OAS2: variants seen among roughly 807,000 people sequenced by gnomAD.
The protein encoded by OAS2 is 2'-5'-oligoadenylate synthetase 2, also known as 2'-5'-oligoadenylate synthase 2.
In OAS2, 67 loss-of-function variants were observed where a neutral mutation model predicts 71.3. That is an observed-to-expected ratio of 0.94 (90% CI 0.77 to 1.15). The LOEUF (loss-of-function observed/expected upper bound fraction) is 1.15, where lower values mean the gene tolerates loss of function less well. Ranked by LOEUF, OAS2 falls within the 50% of genes most tolerant of loss-of-function variation. The probability of loss-of-function intolerance (pLI) is 0.00; values close to 1 mark genes in which losing one functional copy is unlikely to be tolerated. For missense variants in OAS2, 789 were observed against 822.5 expected (o/e 0.96, Z 0.50); for synonymous variants, 327 against 321.8 (o/e 1.02, Z -0.17).
Position 112,998,336 on chromosome 12 carries a change from A to AAAAAAGAAG in OAS2, c.935_943dup (p.Glu314_Ala315insGluLysGlu). On this transcript the variant is annotated inframe_insertion, in exon 5 of 10. Coordinates refer to ENST00000392583, the MANE Select transcript of OAS2 (RefSeq NM_002535.3). Reference sequence around the variant, plus strand: ...AGATAAAATATGCTGGCAATGGCTGAAAAAAGAAGCTCAAACCTGGTTGAC... The same window carrying AAAAAAGAAG: ...AGATAAAATATGCTGGCAATGGCTGAAAAAAGAAGAAAAAGAAGCTCAAACCTGGTTGAC... The AAAAAAGAAG allele has an allele frequency of 6.2e-7, 1 of 1,608,620 alleles. No homozygotes were observed. The highest frequency in any genetic ancestry group is 1.1e-5 in the South Asian group (1 of 89,684).
Position 113,010,574 on chromosome 12 carries a change from C to A in OAS2, c.*1319C>A, listed in dbSNP as rs1169211922. 3.3e-6 allele frequency: 5 copies of A among 1,527,312 alleles called. No individual in the cohort carries two copies. In the African/African-American group the frequency reaches 6.9e-5, roughly 21 times the overall value. 94.6% of individuals were successfully genotyped at this position (1,527,312 alleles called of 1,614,324 possible). ...CTTCCCTTGATGGTCCCTATTCCTCCTTCCCTTGCTTCTTGGACTTCTTGA... is the reference window on the plus strand; with the variant it reads ...CTTCCCTTGATGGTCCCTATTCCTCATTCCCTTGCTTCTTGGACTTCTTGA... On this transcript the variant is annotated 3_prime_UTR_variant, in exon 10 of 10. Transcript: ENST00000392583.
intron 5 of OAS2, among the ~76,000 whole-genome samples, chr12:113,001,863 CAAAAA>C (rs71086131): frequency 0.059 from 1,277 of 21,804 alleles, 11 homozygotes; most frequent in Non-Finnish European, 0.084. Flanking sequence ...CCCATCTCTA[CAAAAA>C]AAAAAAAAAA....
intron 2 of OAS2, among the ~76,000 whole-genome samples, chr12:112,990,690 C>T (rs532144993): frequency 1.3e-5 from 2 of 152,112 alleles, no homozygotes; most frequent in African/African-American, 4.8e-5. Flanking sequence ...GGGTAAAATA[C>T]TTTTGATTTC....
intron 1 of OAS2, among the ~76,000 whole-genome samples, chr12:112,982,836 C>T (rs2044096555): frequency 6.6e-6 from 1 of 152,174 alleles, no homozygotes; most frequent in East Asian, 1.9e-4. Flanking sequence ...TTTTTTATTA[C>T]TGATTCAATC....
At chr12:113,000,869 C>T (rs114361363) in intron 5 of OAS2, among the ~76,000 whole-genome samples, 2,189 of 152,358 alleles carry the variant, frequency 0.014, 49 homozygotes, top group African/African-American at 0.049. Context: ...GGCCAACTTA[C>T]AACATCTGAG....
rs745896637 is a variant in OAS2, at chr12:113,009,223, C to T, written c.2032C>T (p.Pro678Ser). 6.2e-7 allele frequency: 1 copy of T among 1,614,082 alleles called. No homozygotes were observed. The highest frequency in any genetic ancestry group is 1.7e-5 in the Admixed American group (1 of 60,026). Residue 678 changes from proline to serine, a missense_variant, in exon 10 of 10, where the codon CCA becomes TCA. Transcript: ENST00000392583. ...CFKDGTGNPIPPWKVPVKVI is the reference protein window; with the variant it reads ...CFKDGTGNPISPWKVPVKVI The stretch of plus-strand genomic sequence containing the variant: ...CAAGGATGGGACTGGAAACCCAATA[C>T]CACCTTGGAAAGTGCCGGTAAAAGT...
rs894440047 is a variant in OAS2, at chr12:112,980,602, G to T, written c.177+1817G>T. 2.0e-5 allele frequency among the ~76,000 whole-genome samples: 3 copies of T among 152,160 alleles called. No homozygotes were observed. The South Asian group carries it at 6.2e-4, about 32-fold the overall frequency. Reference sequence around the variant, plus strand: ...TTTTGTGTCTGAATAGTATTCTATTGTGTATATATACTACATTGTCTTTAT... The same window carrying T: ...TTTTGTGTCTGAATAGTATTCTATTTTGTATATATACTACATTGTCTTTAT... On this transcript the variant is annotated intron_variant, in intron 1 of 9. Transcript: ENST00000392583.
chr12:112,993,463 G>T (rs961699863), intron 2 of OAS2, among the ~76,000 whole-genome samples: 1 of 152,214 alleles, frequency 6.6e-6, no homozygotes, highest in Non-Finnish European at 1.5e-5. Context: ...GGGGAAGATA[G>T]AATGCTCTTT....
chr12:112,988,504 C>A (rs2044161964), intron 2 of OAS2: 1 of 620,834 alleles, frequency 1.6e-6, no homozygotes, highest in Non-Finnish European at 2.0e-6. Context: ...CAGTGATTGG[C>A]ACAAGAGTAG....
intron 2 of OAS2, among the ~76,000 whole-genome samples, chr12:112,994,041 G>A (rs1218501304): frequency 6.6e-6 from 1 of 151,738 alleles, no homozygotes; most frequent in Non-Finnish European, 1.5e-5. Flanking sequence ...ACTTACATTT[G>A]TTTTATCTAA....
chr12:112,988,251 A>C (rs763445801), intron 2 of OAS2: 82 of 979,678 alleles, frequency 8.4e-5, no homozygotes, highest in Non-Finnish European at 9.8e-5. Flanking sequence ...TTCTTGGCCA[A>C]ATTGAATTTA....
intron 8 of OAS2, among the ~76,000 whole-genome samples, chr12:113,007,393 C>G (rs1261228039): frequency 6.6e-6 from 1 of 152,180 alleles, no homozygotes; most frequent in Non-Finnish European, 1.5e-5. Flanking sequence ...GTCATGCTGC[C>G]TGCATTGTGG....
intron 8 of OAS2, 55 bp downstream of exon 8, chr12:113,006,655 G>C (rs770286490): frequency 6.2e-5 from 89 of 1,430,616 alleles, no homozygotes; most frequent in Non-Finnish European, 8.4e-5. Context: ...AGTAAGCCAT[G>C]AACATTAAGC....
intron 1 of OAS2, among the ~76,000 whole-genome samples, chr12:112,979,480 G>A (rs551771160): frequency 2.0e-5 from 3 of 152,186 alleles, no homozygotes; most frequent in Admixed American, 6.5e-5. Context: ...ATCTAGACAC[G>A]TGGTGTCCCC....
intron 1 of OAS2, among the ~76,000 whole-genome samples, chr12:112,983,222 C>T (rs931750551): frequency 6.6e-6 from 1 of 151,380 alleles, no homozygotes; most frequent in African/African-American, 2.4e-5. Context: ...TTGGTTTATT[C>T]TTGCTTTTTT....
chr12:112,992,996 A>T (rs779416923), intron 2 of OAS2, among the ~76,000 whole-genome samples: 2 of 152,132 alleles, frequency 1.3e-5, no homozygotes, highest in South Asian at 4.1e-4. Flanking sequence ...ACTCTTCCCC[A>T]CATGTGCTAC....
chr12:112,990,800 T>C (rs1406044538), intron 2 of OAS2, among the ~76,000 whole-genome samples: 1 of 152,216 alleles, frequency 6.6e-6, no homozygotes, highest in Non-Finnish European at 1.5e-5. Flanking sequence ...GGGTCTCTAT[T>C]TTAATGTTAG....
Position 113,009,512 on chromosome 12 carries a change from C to T in OAS2, c.*257C>T. 3.4e-6 allele frequency: 4 copies of T among 1,172,792 alleles called. No homozygotes were observed. The highest frequency in any genetic ancestry group is 4.2e-6 in the Non-Finnish European group (4 of 950,140). 72.6% of individuals were successfully genotyped at this position (1,172,792 alleles called of 1,614,324 possible). A position where few individuals can be genotyped will look rare whatever the true frequency, so the allele number is the denominator to read the frequency against. Reference sequence around the variant, plus strand: ...ACTAGCCCTCCTCTCCCAGTGACAACCAAAAGTCTTCAGACATTGTCAAAC... The same window carrying T: ...ACTAGCCCTCCTCTCCCAGTGACAATCAAAAGTCTTCAGACATTGTCAAAC... On this transcript the variant is annotated 3_prime_UTR_variant, in exon 10 of 10. Transcript: ENST00000392583.
rs1268745293 is a variant in OAS2 at position 112,987,103 on chromosome 12, C to T, written c.243C>T (p.Phe81=). ...GNSDGTLVLF[F]SDLKQFQDQK... is the part of the protein sequence containing the mutation. The stretch of plus-strand genomic sequence containing the variant: ...CCGATGGTACCCTTGTCCTCTTCTT[C>T]AGTGACTTAAAACAATTCCAGGATC... Residue 81 remains phenylalanine, a synonymous_variant, in exon 2 of 10, where the codon TTC becomes TTT. Coordinates refer to ENST00000392583, the MANE Select transcript of OAS2 (RefSeq NM_002535.3). The T allele has an allele frequency of 6.2e-7, 1 of 1,614,174 alleles. No homozygotes were observed. The highest frequency in any genetic ancestry group is 1.7e-5 in the Admixed American group (1 of 60,032).
Sources: gnomAD v4.1 joint callset for allele counts (sites outside exome capture counted in the v4.1 genomes callset) on GRCh38, gnomAD v4.1.1 for gene constraint, MANE v1.5 for transcripts, NCBI Gene and HGNC (gene_info 2026-07-23, HGNC 2026-07-21) for gene names.